USH2A: variants seen among roughly 807,000 people sequenced by gnomAD.
USH2A encodes the protein usherin.
USH2A carries 443 observed loss-of-function variants against 538.9 expected under a neutral mutation model. The observed-to-expected ratio is 0.82, with a 90% CI of 0.76 to 0.89. The LOEUF (loss-of-function observed/expected upper bound fraction) is 0.89. Among genes scored for constraint, USH2A ranks in the 40% least tolerant of loss-of-function variants. The pLI is 0.00. For synonymous variants in USH2A, 2,413 were observed against 2,273.5 expected (o/e 1.06, Z -1.75); for missense variants, 6,633 against 6,324.8 (o/e 1.05, Z -1.65).
chr1:216,402,816 G>T (rs953926752), intron 3 of USH2A, among the ~76,000 whole-genome samples: 1 of 152,044 alleles, frequency 6.6e-6, no homozygotes, highest in Non-Finnish European at 1.5e-5. Flanking sequence ...CCCTCATTTT[G>T]TCCAAGAGTC....
chr1:215,923,678 T>A (rs1441159099), intron 38 of USH2A, among the ~76,000 whole-genome samples: 1 of 152,030 alleles, frequency 6.6e-6, no homozygotes, highest in African/African-American at 2.4e-5. Context: ...TGGAGCCCTG[T>A]CATCAAAAGA....
chr1:215,632,428 G>A (rs1206921557), intron 70 of USH2A, among the ~76,000 whole-genome samples: 1 of 152,186 alleles, frequency 6.6e-6, no homozygotes, highest in African/African-American at 2.4e-5. Context: ...AGAATGATGG[G>A]AGTGTCTTCT....
chr1:215,811,324 A>G (rs1161993615), intron 49 of USH2A, among the ~76,000 whole-genome samples: 1 of 152,304 alleles, frequency 6.6e-6, no homozygotes, highest in East Asian at 1.9e-4. Context: ...CATGATTCCT[A>G]ACCTTCCCAA....
intron 70 of USH2A, among the ~76,000 whole-genome samples, chr1:215,634,089 C>T (rs766171919): frequency 2.6e-5 from 4 of 152,180 alleles, no homozygotes; most frequent in Non-Finnish European, 5.9e-5. Context: ...TCTCAACATA[C>T]AACTCTTCTC....
At position 216,275,509 on chromosome 1, in the gene USH2A, G is replaced by A. The variant is rs77584109; in HGVS notation, c.1971+13771C>T. Reference sequence around the variant, plus strand: ...TAGTACAAGTGGTAAAAGTTGCTAGGAACTTACACAGGAGAATGCCTGCTT... The same window carrying A: ...TAGTACAAGTGGTAAAAGTTGCTAGAAACTTACACAGGAGAATGCCTGCTT... On this transcript the variant is annotated intron_variant, in intron 11 of 71. Coordinates refer to ENST00000307340, the MANE Select transcript of USH2A (RefSeq NM_206933.4). 9.0e-3 allele frequency among the ~76,000 whole-genome samples: 1,365 copies of A among 152,128 alleles called. 35 individuals are homozygous for A. Among genetic ancestry groups the A allele is most frequent in the Admixed American group, 0.046 (703 of 15,260 alleles).
rs1402291468 is a variant in USH2A, at chr1:216,251,027, G to A, written c.2043C>T (p.Tyr681=). Residue 681 remains tyrosine, a synonymous_variant, in exon 12 of 72, where the codon TAC becomes TAT. Coordinates refer to ENST00000307340, the MANE Select transcript of USH2A (RefSeq NM_206933.4). ...CATCAGGATCCAACTCTTGTAGATT[G>A]TAGAATCCATTCTGGCACTGATTGC... The part of the protein sequence containing the change: ...RQCNQCQNGF[Y]NLQELDPDGC... 2 of 1,613,938 alleles carry A rather than the reference G, an allele frequency of 1.2e-6. No homozygotes were observed. The highest frequency in any genetic ancestry group is 1.7e-6 in the Non-Finnish European group (2 of 1,180,000).
At chr1:215,803,187 G>A (rs1662390913) in intron 49 of USH2A, among the ~76,000 whole-genome samples, 1 of 152,200 alleles carries the variant, frequency 6.6e-6, no homozygotes, top group South Asian at 2.1e-4. Context: ...TACTGAATGG[G>A]CAAAAACTGG....
intron 61 of USH2A, among the ~76,000 whole-genome samples, chr1:215,700,702 T>C (rs1658983615): frequency 6.6e-6 from 1 of 152,220 alleles, no homozygotes; most frequent in Non-Finnish European, 1.5e-5. Context: ...CTCTCTTTTC[T>C]TCTTTATTAG....
At chr1:216,117,947 G>T (rs2033049446) in intron 21 of USH2A, among the ~76,000 whole-genome samples, 1 of 151,306 alleles carries the variant, frequency 6.6e-6, no homozygotes, top group Non-Finnish European at 1.5e-5. Context: ...GAGTCATTTT[G>T]TTAAGATATT....
chr1:216,166,276 A>G (rs912913310), intron 21 of USH2A, among the ~76,000 whole-genome samples: 3 of 152,066 alleles, frequency 2.0e-5, no homozygotes, highest in Admixed American at 2.0e-4. Context: ...AGGTATCAAT[A>G]TGTTCAAAGA....
chr1:215,820,069 T>C (rs559813594), intron 47 of USH2A, among the ~76,000 whole-genome samples: 1 of 151,926 alleles, frequency 6.6e-6, no homozygotes, highest in Admixed American at 6.6e-5. Flanking sequence ...GAGCTGAAGA[T>C]ACTTTTGGGC....
Position 215,965,452 on chromosome 1 carries a change from G to A in USH2A, c.6985C>T (p.Pro2329Ser). 6.2e-6 allele frequency: 10 copies of A among 1,613,644 alleles called. No individual in the cohort carries two copies. The highest frequency in any genetic ancestry group is 8.5e-6 in the Non-Finnish European group (10 of 1,179,730). ...ACAAACACATTTACTGTTCCTTCAG[G>A]AGGAGCTTCTAGAGTTCGATTTTCC... ...LVENRTLEAP[P>S]EGTVNVFVKT... Residue 2329 changes from proline to serine, a missense_variant, in exon 37 of 72, where the codon CCT becomes TCT. Pro to Ser is a moderately conservative substitution (Grantham distance 74). Transcript: ENST00000307340.
At chr1:216,416,685 T>TCC (rs1430543855) in intron 3 of USH2A, among the ~76,000 whole-genome samples, 1 of 152,152 alleles carries the variant, frequency 6.6e-6, no homozygotes, top group Non-Finnish European at 1.5e-5. Flanking sequence ...GAGCATTTTA[T>TCC]CCCCAAGGGA....
At chr1:215,900,323 T>C (rs560292461) in intron 39 of USH2A, 106 bp from the exon 40 acceptor site, 1 of 1,187,556 alleles carries the variant, frequency 8.4e-7, no homozygotes, top group Non-Finnish European at 1.2e-6. Context: ...AACATACATT[T>C]AAGTATTGTA....
In USH2A at chr1:216,073,078, T is replaced by C; in HGVS notation, c.5776+19A>G. The C allele has an allele frequency of 6.2e-7, 1 of 1,613,790 alleles. No individual in the cohort carries two copies. Among genetic ancestry groups the C allele is most frequent in the Non-Finnish European group, 8.5e-7 (1 of 1,179,880 alleles). On this transcript the variant is annotated intron_variant, in intron 28 of 71. Coordinates refer to ENST00000307340, the MANE Select transcript of USH2A (RefSeq NM_206933.4). Reference sequence around the variant, plus strand: ...AATAAGAGACATGTAACATTTAATTTAGAGGACCTCCACATTACCTGTAAA... The same window carrying C: ...AATAAGAGACATGTAACATTTAATTCAGAGGACCTCCACATTACCTGTAAA...
chr1:215,817,882 C>T (rs1662903593), intron 47 of USH2A, among the ~76,000 whole-genome samples: 1 of 151,930 alleles, frequency 6.6e-6, no homozygotes, highest in Middle Eastern at 3.2e-3. Flanking sequence ...TGTAGATTTT[C>T]TTCCACCTCT....
In USH2A at chr1:216,292,202, A is replaced by G. The variant is rs886043096; in HGVS notation, c.1813T>C (p.Cys605Arg). 5.0e-6 allele frequency: 8 copies of G among 1,614,076 alleles called. No homozygotes were observed. The highest frequency in any genetic ancestry group is 6.8e-6 in the Non-Finnish European group (8 of 1,179,966). Residue 605 changes from cysteine (C) to arginine (R), a missense_variant, in exon 10 of 72, where the codon TGT becomes CGT. Physicochemically the swap from Cys to Arg is radical, Grantham distance 180. Transcript: ENST00000307340. ...FEHFRGGGGV[C>R]DDCEHNTTGR... is the part of the protein sequence containing the mutation. ...GTAGTGTTATGCTCACAATCATCACAAACTCCTCCTCCCCCTCTGAAGTGC... is the reference window on the plus strand; with the variant it reads ...GTAGTGTTATGCTCACAATCATCACGAACTCCTCCTCCCCCTCTGAAGTGC...
At chr1:215,977,303 G>T (rs1303389244) in intron 35 of USH2A, among the ~76,000 whole-genome samples, 2 of 151,948 alleles carry the variant, frequency 1.3e-5, no homozygotes, top group Admixed American at 6.6e-5. Flanking sequence ...ACTTTTTGAG[G>T]TAGCTATTTA....
intron 3 of USH2A, among the ~76,000 whole-genome samples, chr1:216,386,485 A>G (rs1186904208): frequency 1.7e-5 from 1 of 60,418 alleles, no homozygotes; most frequent in African/African-American, 4.8e-5. Context: ...GACTCGTCTC[A>G]AAAAAACAAA....
Sources: gnomAD v4.1 joint callset for allele counts (sites outside exome capture counted in the v4.1 genomes callset) on GRCh38, gnomAD v4.1.1 for gene constraint, MANE v1.5 for transcripts, NCBI Gene and HGNC (gene_info 2026-07-23, HGNC 2026-07-21) for gene names.